Variants in FAM184B observed in about 807,000 individuals in gnomAD.
The protein encoded by FAM184B is family with sequence similarity 184 member B, also known as protein FAM184B.
FAM184B carries 111 observed loss-of-function variants against 135.9 expected under a neutral mutation model. The observed-to-expected ratio is 0.82, with a 90% CI of 0.70 to 0.96. The LOEUF is 0.96. Ranked by LOEUF, FAM184B falls within the 40% of genes least tolerant of loss-of-function variation. The pLI, the probability that FAM184B is intolerant of heterozygous loss-of-function variation, is 0.00. For synonymous variants in FAM184B, 552 were observed against 524.8 expected (o/e 1.05, Z -0.71); for missense variants, 1,375 against 1,323.9 (o/e 1.04, Z -0.60).
chr4:17,658,436 G>C lies in FAM184B; in HGVS notation c.1951C>G (p.Gln651Glu), dbSNP rs1238431113. The C allele has an allele frequency of 5.8e-6, 9 of 1,551,484 alleles. No individual in the cohort carries two copies. The African/African-American group carries it at 1.2e-4, about 21-fold the overall frequency. Residue 651 changes from glutamine to glutamate, a missense_variant, in exon 10 of 18, where the codon CAG becomes GAG. Gln to Glu is a conservative substitution (Grantham distance 29). Coordinates refer to ENST00000265018, the MANE Select transcript of FAM184B (RefSeq NM_015688.2). ...AGCTGGGCTTTCATGGCGTGGTTCTGCTGAGTGGTCTCCTGGAGCTCACGC... is the reference window on the plus strand; with the variant it reads ...AGCTGGGCTTTCATGGCGTGGTTCTCCTGAGTGGTCTCCTGGAGCTCACGC... ...LQRELQETTQ[Q>E]NHAMKAQLEA...
intron 7 of FAM184B, among the ~76,000 whole-genome samples, chr4:17,664,914 AC>A (rs750278416): frequency 6.6e-6 from 1 of 152,182 alleles, no homozygotes; most frequent in Non-Finnish European, 1.5e-5. Context: ...AGCATTTCAC[AC>A]TGCTGACAAA....
chr4:17,765,289 A>G (rs73800392), intron 1 of FAM184B, among the ~76,000 whole-genome samples: 3,534 of 152,192 alleles, frequency 0.023, 115 homozygotes, highest in African/African-American at 0.08. Context: ...AAATCTTCCT[A>G]ATATTCTTTC....
Position 17,705,029 on chromosome 4 carries a change from C to G in FAM184B, c.1348G>C (p.Val450Leu). 1 of 1,551,760 alleles carries G rather than the reference C, an allele frequency of 6.4e-7. No homozygotes were observed. ...TVEIKSVRSS[V>L]EAERKKLQRE... ...TGCAGTTTCTTTCTTTCAGCCTCCA[C>G]GGACGAGCGAACGGATTTGATTTCC... Residue 450 changes from valine to leucine, a missense_variant, in exon 5 of 18, where the codon GTG becomes CTG. Physicochemically the swap from Val to Leu is conservative, Grantham distance 32. Transcript: ENST00000265018.
intron 11 of FAM184B, among the ~76,000 whole-genome samples, chr4:17,649,927 C>G (rs1424748403): frequency 2.0e-5 from 3 of 149,580 alleles, no homozygotes; most frequent in African/African-American, 7.5e-5. Context: ...CATCCATCCA[C>G]TGATCCACCC....
chr4:17,638,317 T>C (rs902676838), intron 14 of FAM184B, among the ~76,000 whole-genome samples: 2 of 151,830 alleles, frequency 1.3e-5, no homozygotes, highest in African/African-American at 4.8e-5. Context: ...GCCTTCCAAG[T>C]AGCTGGGACT....
chr4:17,639,414 A>G lies in FAM184B; in HGVS notation c.2520-18T>C. 3.9e-6 allele frequency: 6 copies of G among 1,550,890 alleles called. No individual in the cohort carries two copies. Among genetic ancestry groups the G allele is most frequent in the African/African-American group, 1.4e-5 (1 of 73,152 alleles). On this transcript the variant is annotated intron_variant, in intron 13 of 17. Coordinates refer to ENST00000265018, the MANE Select transcript of FAM184B (RefSeq NM_015688.2). Reference sequence around the variant, plus strand: ...CCAGGAACCTGTGGTGGATGAAAGCACAGCCAGGCTTGCCCAGCTCCAGGG... The same window carrying G: ...CCAGGAACCTGTGGTGGATGAAAGCGCAGCCAGGCTTGCCCAGCTCCAGGG...
At chr4:17,708,419 C>T (rs183504161) in intron 2 of FAM184B, among the ~76,000 whole-genome samples, 3 of 151,592 alleles carry the variant, frequency 2.0e-5, no homozygotes, top group African/African-American at 7.3e-5. Flanking sequence ...CTGAAGCAGG[C>T]GGATCACCTG....
intron 1 of FAM184B, among the ~76,000 whole-genome samples, chr4:17,742,168 A>ATATATTTTTT (rs1459958150): frequency 1.0e-4 from 11 of 109,302 alleles, no homozygotes; most frequent in African/African-American, 5.3e-4. Context: ...ATATATATAT[A>ATATATTTTTT]TTTTTTTTTT....
intron 10 of FAM184B, 117 bp from the exon 11 acceptor site, chr4:17,653,100 A>C: frequency 1.0e-6 from 1 of 968,752 alleles, no homozygotes; most frequent in Non-Finnish European, 1.6e-6. Context: ...TCTCCCATGG[A>C]GGGCTTATCA....
chr4:17,701,274 G>T (rs1340650817), intron 5 of FAM184B, among the ~76,000 whole-genome samples: 2 of 152,186 alleles, frequency 1.3e-5, no homozygotes, highest in African/African-American at 4.8e-5. Context: ...TATAATCTAC[G>T]GCCCAGGGCA....
intron 10 of FAM184B, among the ~76,000 whole-genome samples, chr4:17,655,065 C>G (rs915201125): frequency 2.0e-5 from 3 of 152,092 alleles, no homozygotes; most frequent in Non-Finnish European, 4.4e-5. Context: ...AGGCTAACCT[C>G]AAACTCCTGG....
chr4:17,729,943 G>C lies in FAM184B; in HGVS notation c.142-20299C>G, dbSNP rs188894047. Reference sequence around the variant, plus strand: ...TGACTTTGACGAGCTGAGAGAAGAAGGCTTCAGACAATCAAACTACTCCGA... The same window carrying C: ...TGACTTTGACGAGCTGAGAGAAGAACGCTTCAGACAATCAAACTACTCCGA... On this transcript the variant is annotated intron_variant, in intron 1 of 17. Transcript: ENST00000265018. Among the ~76,000 whole-genome samples the C allele has an allele frequency of 1.6e-3, 241 of 152,322 alleles. 1 individual carries two copies. Among genetic ancestry groups the C allele is most frequent in the Admixed American group, 4.6e-3 (70 of 15,300 alleles).
chr4:17,766,029 T>C (rs1002578541), intron 1 of FAM184B, among the ~76,000 whole-genome samples: 1 of 152,146 alleles, frequency 6.6e-6, no homozygotes, highest in Non-Finnish European at 1.5e-5. Flanking sequence ...CTGCAGACCT[T>C]CCCCGTGAGT....
chr4:17,652,139 T>C (rs901296071), intron 11 of FAM184B, among the ~76,000 whole-genome samples: 7 of 106,220 alleles, frequency 6.6e-5, no homozygotes, highest in African/African-American at 2.3e-4. Flanking sequence ...CTTTTTTTTT[T>C]TTTTTTTTTG....
chr4:17,690,157 A>C (rs143036944), intron 6 of FAM184B, among the ~76,000 whole-genome samples: 3 of 152,194 alleles, frequency 2.0e-5, no homozygotes, highest in Non-Finnish European at 4.4e-5. Context: ...CAAAAAAAAA[A>C]AAAAAAGAAT....
At chr4:17,699,268 T>C (rs1371280612) in intron 5 of FAM184B, among the ~76,000 whole-genome samples, 2 of 149,084 alleles carry the variant, frequency 1.3e-5, no homozygotes, top group Non-Finnish European at 3.0e-5. Context: ...TGTGGGACAA[T>C]ATTAGAAGAG....
chr4:17,697,416 A>T (rs946067832), intron 5 of FAM184B, among the ~76,000 whole-genome samples: 1 of 151,964 alleles, frequency 6.6e-6, no homozygotes, highest in Admixed American at 6.5e-5. Context: ...AGAAAAAAAA[A>T]CCCTGGATAT....
intron 1 of FAM184B, among the ~76,000 whole-genome samples, chr4:17,741,309 T>C (rs1248607929): frequency 2.0e-5 from 3 of 152,186 alleles, no homozygotes; most frequent in African/African-American, 4.8e-5. Flanking sequence ...AAGGCTTCAC[T>C]GAGAAAGTGA....
intron 1 of FAM184B, among the ~76,000 whole-genome samples, chr4:17,714,495 A>G (rs1461466419): frequency 6.6e-6 from 1 of 152,120 alleles, no homozygotes; most frequent in African/African-American, 2.4e-5. Context: ...CCTCAGGAAC[A>G]CTGTCTGTCA....
Sources: allele counts gnomAD v4.1 joint callset (sites outside exome capture counted in the v4.1 genomes callset), GRCh38; gene constraint gnomAD v4.1.1; transcripts MANE v1.5; gene names NCBI Gene and HGNC (gene_info 2026-07-23, HGNC 2026-07-21).